GNAL: variants seen among roughly 807,000 people sequenced by gnomAD.
The protein encoded by GNAL is guanine nucleotide-binding protein G(olf) subunit alpha.
Under a neutral mutation model 55.1 loss-of-function variants are expected in GNAL, and 18 were observed. That is an observed-to-expected ratio of 0.33 (90% CI 0.23 to 0.48). The LOEUF is 0.48. Ranked by LOEUF, GNAL falls within the 20% of genes least tolerant of loss-of-function variation. The probability of loss-of-function intolerance (pLI) is 0.99; values close to 1 mark genes in which losing one functional copy is unlikely to be tolerated. For missense variants in GNAL, 412 were observed against 614.1 expected (o/e 0.67, Z 3.48); for synonymous variants, 253 against 237.0 (o/e 1.07, Z -0.62).
intron 10 of GNAL, among the ~76,000 whole-genome samples, chr18:11,873,414 T>A (rs1427429519): frequency 6.6e-6 from 1 of 152,130 alleles, no homozygotes; most frequent in Non-Finnish European, 1.5e-5. Flanking sequence ...ATCACCTGTG[T>A]CATAAAGACC....
chr18:11,820,692 T>G (rs540731044), intron 4 of GNAL, among the ~76,000 whole-genome samples: 2 of 152,256 alleles, frequency 1.3e-5, no homozygotes, highest in African/African-American at 4.8e-5. Flanking sequence ...GAAGTAACAA[T>G]CACAACAGCA....
In GNAL at chr18:11,752,075, G is replaced by GA; in HGVS notation, c.377-777dup. 6.1e-6 allele frequency: 1 copy of GA among 165,002 alleles called. No homozygotes were observed. The highest frequency in any genetic ancestry group is 1.3e-5 in the Non-Finnish European group (1 of 76,992). The allele number at this position is 165,002 out of a possible 1,614,324, so 10.2% of individuals were successfully genotyped here. A position where few individuals can be genotyped will look rare whatever the true frequency, so the allele number is the denominator to read the frequency against. On this transcript the variant is annotated intron_variant, in intron 1 of 11. Coordinates refer to ENST00000334049, the MANE Select transcript of GNAL (RefSeq NM_182978.4). The surrounding 1 kb of genome is among the most constrained non-coding windows in gnomAD (Gnocchi z 4.5). ...GCGAGGCTTGGAGTGCGGGCGAAGGGACGTGGGGCGAACCCGGGGCGCTGC... is the reference window on the plus strand; with the variant it reads ...GCGAGGCTTGGAGTGCGGGCGAAGGGAACGTGGGGCGAACCCGGGGCGCTGC...
intron 4 of GNAL, among the ~76,000 whole-genome samples, chr18:11,798,978 T>A (rs1462216065): frequency 6.6e-6 from 1 of 151,936 alleles, no homozygotes; most frequent in African/African-American, 2.4e-5. Flanking sequence ...CTGTGCACGG[T>A]GACGCACGCC....
chr18:11,862,192 A>AT (rs1222249996), intron 5 of GNAL, among the ~76,000 whole-genome samples: 2 of 152,134 alleles, frequency 1.3e-5, no homozygotes, highest in African/African-American at 2.4e-5. Flanking sequence ...AGAAAAAAAA[A>AT]GAATGCAGTT....
Position 11,788,908 on chromosome 18 carries a change from A to ATATATATAT in GNAL, c.624+34963_624+34964insTATATATAT, listed in dbSNP as rs372490535. ...CAAGACTCCGTCTCGAAAAAAAAAA[A>ATATATATAT]AAAAAAATATATATATATATATATA... On this transcript the variant is annotated intron_variant, in intron 4 of 11. Coordinates refer to ENST00000334049, the MANE Select transcript of GNAL (RefSeq NM_182978.4). 9.2e-3 allele frequency among the ~76,000 whole-genome samples: 672 copies of ATATATATAT among 72,756 alleles called. 2 individuals carry two copies. The highest frequency in any genetic ancestry group is 0.016 in the East Asian group (34 of 2,064). The allele number at this position is 72,756 out of a possible 152,430, so 47.7% of individuals were successfully genotyped here. A position where few individuals can be genotyped will look rare whatever the true frequency, so the allele number is the denominator to read the frequency against.
At chr18:11,690,062 C>T in intron 1 of GNAL, 123 bp downstream of exon 1, 1 of 465,358 alleles carries the variant, frequency 2.1e-6, no homozygotes, top group Non-Finnish European at 3.2e-6. Context: ...CTCCTGAATC[C>T]CGGGACTGGA....
Position 11,790,652 on chromosome 18 carries a change from T to C in GNAL, c.625-34266T>C, listed in dbSNP as rs866247334. On this transcript the variant is annotated intron_variant, in intron 4 of 11. Coordinates refer to ENST00000334049, the MANE Select transcript of GNAL (RefSeq NM_182978.4). ...ATGGTTTTTCTTTTCTTTTCTTTTC[T>C]TTTTTTTTCTTTTTTTTTTTTTTTG... is the stretch of plus-strand genomic sequence containing the variant. Among the ~76,000 whole-genome samples, 245 of 47,068 alleles carry C rather than the reference T, an allele frequency of 5.2e-3. 1 individual carries two copies. The highest frequency in any genetic ancestry group is 0.019 in the African/African-American group (237 of 12,788). The allele number at this position is 47,068 out of a possible 152,430, so 30.9% of individuals were successfully genotyped here.
chr18:11,842,415 TTACGTTTAC>T (rs1418393754), intron 5 of GNAL, among the ~76,000 whole-genome samples: 1 of 152,182 alleles, frequency 6.6e-6, no homozygotes, highest in African/African-American at 2.4e-5. Flanking sequence ...ATCCAGTGCA[TTACGTTTAC>T]TGTGCTCTTC....
chr18:11,792,044 C>T (rs2034252869), intron 4 of GNAL, among the ~76,000 whole-genome samples: 1 of 152,164 alleles, frequency 6.6e-6, no homozygotes, highest in African/African-American at 2.4e-5. Context: ...CTTTTGGAGA[C>T]CTTTCCAACC....
At chr18:11,732,583 G>A (rs2032363940) in intron 1 of GNAL, among the ~76,000 whole-genome samples, 1 of 151,398 alleles carries the variant, frequency 6.6e-6, no homozygotes, top group Admixed American at 6.5e-5. Context: ...CCTCACCCAT[G>A]GGTATCTGTT....
intron 4 of GNAL, among the ~76,000 whole-genome samples, chr18:11,789,088 T>A: frequency 6.6e-6 from 1 of 151,760 alleles, no homozygotes; most frequent in Admixed American, 6.6e-5. Flanking sequence ...TAACTAGTCT[T>A]TCTCGATGCC....
intron 4 of GNAL, among the ~76,000 whole-genome samples, chr18:11,754,522 A>G (rs2032975770): frequency 6.6e-6 from 1 of 152,154 alleles, no homozygotes; most frequent in Non-Finnish European, 1.5e-5. Flanking sequence ...AGAAATACTG[A>G]TGGTGCTTTT....
At chr18:11,841,321 G>A (rs2035608011) in intron 5 of GNAL, among the ~76,000 whole-genome samples, 1 of 152,090 alleles carries the variant, frequency 6.6e-6, no homozygotes, top group Non-Finnish European at 1.5e-5. Context: ...GGTTAATCAT[G>A]ATTATTTGAA....
intron 5 of GNAL, chr18:11,853,322 C>A (rs1464458336): frequency 6.0e-6 from 1 of 167,140 alleles, no homozygotes; most frequent in East Asian, 1.9e-4. Context: ...CCCAGCTGTG[C>A]TGCCTGCCAT....
intron 1 of GNAL, among the ~76,000 whole-genome samples, chr18:11,693,849 G>A (rs933784660): frequency 8.0e-5 from 10 of 124,734 alleles, no homozygotes; most frequent in Admixed American, 1.5e-4. Context: ...AGACTATGTC[G>A]CTATTTTTTT....
chr18:11,728,008 C>T (rs1361208727), intron 1 of GNAL, among the ~76,000 whole-genome samples: 1 of 152,034 alleles, frequency 6.6e-6, no homozygotes, highest in Non-Finnish European at 1.5e-5. Flanking sequence ...AGGAAGATCA[C>T]TTGAGGCCAG....
At chr18:11,732,881 A>C (rs772868914) in intron 1 of GNAL, among the ~76,000 whole-genome samples, 1 of 152,262 alleles carries the variant, frequency 6.6e-6, no homozygotes, top group Non-Finnish European at 1.5e-5. Flanking sequence ...GAAATTCACG[A>C]AGAGGGAAAC....
rs114882729 is a variant in GNAL, at chr18:11,705,681, T to A, written c.376+15742T>A. On this transcript the variant is annotated intron_variant, in intron 1 of 11. Transcript: ENST00000334049. ...GTGTGAGGTGATATGTCATTATGGT[T>A]TTGATTTGCCATTTTCCTCATGATT... Among the ~76,000 whole-genome samples the A allele has an allele frequency of 6.1e-3, 932 of 152,250 alleles. 4 individuals are homozygous for A. Among genetic ancestry groups the A allele is most frequent in the African/African-American group, 0.021 (873 of 41,540 alleles).
At chr18:11,876,498 T>G (rs951956203) in intron 10 of GNAL, 123 bp from the exon 11 acceptor site, 2 of 702,920 alleles carry the variant, frequency 2.8e-6, no homozygotes, top group Non-Finnish European at 5.1e-6. Flanking sequence ...TTTGCCTTGC[T>G]GTACATGTAT....
Sources: allele counts gnomAD v4.1 joint callset (sites outside exome capture counted in the v4.1 genomes callset), GRCh38; gene constraint gnomAD v4.1.1; non-coding constraint Gnocchi (gnomAD v3.1); transcripts MANE v1.5; gene names NCBI Gene and HGNC (gene_info 2026-07-23, HGNC 2026-07-21).